FGF14: variants seen among roughly 807,000 people sequenced by gnomAD.
The protein encoded by FGF14 is fibroblast growth factor homologous factor 4.
A neutral mutation model predicts 25.5 loss-of-function variants in FGF14; 5 were observed. The ratio of observed to expected loss-of-function variants is 0.20; its 90% confidence interval spans 0.10 to 0.41. FGF14 has a LOEUF of 0.41. Ranked by LOEUF, FGF14 falls within the 10% of genes least tolerant of loss-of-function variation. FGF14 has a pLI of 1.00. For synonymous variants in FGF14, 138 were observed against 118.3 expected (o/e 1.17, Z -1.08); for missense variants, 222 against 320.1 (o/e 0.69, Z 2.34).
chr13:101,906,037 C>T (rs923697990), intron 1 of FGF14, among the ~76,000 whole-genome samples: 8 of 152,132 alleles, frequency 5.3e-5, no homozygotes, highest in African/African-American at 1.9e-4. Context: ...TGGTTACTTT[C>T]CCTACACTTT....
intron 3 of FGF14, among the ~76,000 whole-genome samples, chr13:101,727,815 C>T (rs2035542059): frequency 6.6e-6 from 1 of 152,060 alleles, no homozygotes; most frequent in African/African-American, 2.4e-5. Flanking sequence ...ATAGGTCCAA[C>T]ACTGTGCTAT....
At position 101,721,544 on chromosome 13, in the gene FGF14, G is replaced by C. The variant is rs1330191192; in HGVS notation, c.*1287C>G. On this transcript the variant is annotated 3_prime_UTR_variant, in exon 5 of 5. Coordinates refer to ENST00000376143, the MANE Select transcript of FGF14 (RefSeq NM_004115.4). ...CATGAGCCCCAGATGCTGAGCTAGA[G>C]GCATGTACTGGTGAAATACACAGTA... 1 of 152,092 alleles carries C rather than the reference G, an allele frequency of 6.6e-6. No homozygotes were observed. The highest frequency in any genetic ancestry group is 1.9e-4 in the East Asian group (1 of 5,170). 9.4% of individuals were successfully genotyped at this position (152,092 alleles called of 1,614,324 possible). A position where few individuals can be genotyped will look rare whatever the true frequency, so the allele number is the denominator to read the frequency against.
At chr13:102,280,256 C>G (rs2053761893) in intron 1 of FGF14, among the ~76,000 whole-genome samples, 1 of 152,102 alleles carries the variant, frequency 6.6e-6, no homozygotes, top group Non-Finnish European at 1.5e-5. Flanking sequence ...AATTATGTAG[C>G]AGGTTGGAAA....
At chr13:101,920,469 A>G (rs2033916867), upstream of FGF14, among the ~76,000 whole-genome samples, 1 of 152,152 alleles carries the variant, frequency 6.6e-6, no homozygotes, top group Non-Finnish European at 1.5e-5. Flanking sequence ...GTGAAAACAG[A>G]GCCTCCTTTT....
At chr13:102,057,537 T>C (rs1240643601) in intron 1 of FGF14, among the ~76,000 whole-genome samples, 3 of 152,202 alleles carry the variant, frequency 2.0e-5, no homozygotes, top group Non-Finnish European at 2.9e-5. Flanking sequence ...ATAGTTAGTA[T>C]GAGAACAAGG....
chr13:102,129,797 T>G lies in FGF14; in HGVS notation c.209-254501A>C, dbSNP rs1401359168. Reference sequence around the variant, plus strand: ...CACATGTATACATATGTAACAAACCTGCACATTGTACACATGTACCCTAAA... The same window carrying G: ...CACATGTATACATATGTAACAAACCGGCACATTGTACACATGTACCCTAAA... On this transcript the variant is annotated intron_variant, in intron 1 of 4. Coordinates refer to the FGF14 transcript ENST00000376131. 2.0e-5 allele frequency among the ~76,000 whole-genome samples: 3 copies of G among 151,968 alleles called. No individual in the cohort carries two copies. The East Asian group carries it at 5.8e-4, about 29-fold the overall frequency.
intron 1 of FGF14, among the ~76,000 whole-genome samples, chr13:102,312,398 C>T (rs1436566119): frequency 6.6e-6 from 1 of 152,100 alleles, no homozygotes; most frequent in East Asian, 1.9e-4. Flanking sequence ...TTACAACAAA[C>T]TTTGGAAGCT....
chr13:101,730,919 G>T (rs922260354), intron 3 of FGF14, among the ~76,000 whole-genome samples: 1 of 152,158 alleles, frequency 6.6e-6, no homozygotes, highest in African/African-American at 2.4e-5. Flanking sequence ...CCCTCACATG[G>T]TTCTCCTGTG....
intron 1 of FGF14, among the ~76,000 whole-genome samples, chr13:102,350,700 T>C (rs891216062): frequency 6.6e-6 from 1 of 152,248 alleles, no homozygotes; most frequent in Non-Finnish European, 1.5e-5. Context: ...ACTGTACTTC[T>C]TGACAACTGT....
intron 1 of FGF14, among the ~76,000 whole-genome samples, chr13:101,938,121 G>C (rs968245104): frequency 2.6e-5 from 4 of 152,182 alleles, no homozygotes; most frequent in African/African-American, 9.7e-5. Context: ...CCAGCCACGT[G>C]CTGCCTGCAT....
At chr13:102,373,257 T>A (rs1174060986) in intron 1 of FGF14, among the ~76,000 whole-genome samples, 1 of 152,154 alleles carries the variant, frequency 6.6e-6, no homozygotes, top group Non-Finnish European at 1.5e-5. Context: ...CCTTCACTAT[T>A]CCACTCAATT....
chr13:101,798,091 G>GT (rs924373827), intron 3 of FGF14, among the ~76,000 whole-genome samples: 5 of 151,940 alleles, frequency 3.3e-5, no homozygotes, highest in Non-Finnish European at 7.4e-5. Flanking sequence ...AAATGACTCT[G>GT]TTTTTTTGTA....
intron 1 of FGF14, among the ~76,000 whole-genome samples, chr13:102,076,512 A>G (rs1037443654): frequency 1.3e-5 from 2 of 152,192 alleles, no homozygotes; most frequent in Non-Finnish European, 2.9e-5. Flanking sequence ...ATTTCTCAGA[A>G]CATATCCCCA....
intron 1 of FGF14, among the ~76,000 whole-genome samples, chr13:102,177,275 A>G (rs1327215944): frequency 1.3e-5 from 2 of 152,210 alleles, no homozygotes; most frequent in Non-Finnish European, 2.9e-5. Context: ...AAAGATAGCC[A>G]GAGTTTGAGT....
At chr13:101,846,020 A>C (rs2043439843) in intron 3 of FGF14, among the ~76,000 whole-genome samples, 1 of 152,014 alleles carries the variant, frequency 6.6e-6, no homozygotes, top group Non-Finnish European at 1.5e-5. Context: ...TCCAGTGGAC[A>C]GTTACTTTCA....
At chr13:102,397,791 G>A (rs928312376) in intron 1 of FGF14, among the ~76,000 whole-genome samples, 4 of 152,046 alleles carry the variant, frequency 2.6e-5, no homozygotes, top group African/African-American at 4.8e-5. Context: ...TTTCCAGAAC[G>A]GGCCTATTAT....
At chr13:102,180,657 C>A (rs1566788516) in intron 1 of FGF14, among the ~76,000 whole-genome samples, 1 of 152,082 alleles carries the variant, frequency 6.6e-6, no homozygotes, top group African/African-American at 2.4e-5. Flanking sequence ...TACCAATTAA[C>A]TGGTGTTTTC....
At chr13:102,084,235 A>C (rs115897678) in intron 1 of FGF14, among the ~76,000 whole-genome samples, 1,670 of 151,740 alleles carry the variant, frequency 0.011, 27 homozygotes, top group African/African-American at 0.038. Flanking sequence ...CTGTTTCTTT[A>C]TTTTTCTTTT....
intron 1 of FGF14, among the ~76,000 whole-genome samples, chr13:102,398,400 T>G (rs902574036): frequency 4.6e-5 from 7 of 152,168 alleles, no homozygotes; most frequent in Non-Finnish European, 8.8e-5. Context: ...GTTGACAGTT[T>G]AGCGAATTGG....
Sources: allele counts gnomAD v4.1 joint callset (sites outside exome capture counted in the v4.1 genomes callset), GRCh38; gene constraint gnomAD v4.1.1; transcripts MANE v1.5; gene names NCBI Gene and HGNC (gene_info 2026-07-23, HGNC 2026-07-21).